ARAP1: variants seen among roughly 807,000 people sequenced by gnomAD.
ARAP1 encodes arf-GAP with Rho-GAP domain, ANK repeat and PH domain-containing protein 1.
A neutral mutation model predicts 172.2 loss-of-function variants in ARAP1; 76 were observed. That is an observed-to-expected ratio of 0.44 (90% CI 0.37 to 0.53). ARAP1 has a LOEUF of 0.53. Among genes scored for constraint, ARAP1 ranks in the 20% least tolerant of loss-of-function variants. ARAP1 has a pLI of 0.00. For missense variants in ARAP1, 1,686 were observed against 1,977.5 expected (o/e 0.85, Z 2.80); for synonymous variants, 804 against 803.3 (o/e 1.00, Z -0.01).
chr11:72,710,568 C>T lies in ARAP1; in HGVS notation c.1233G>A (p.Met411Ile), dbSNP rs1056405500. 1.2e-6 allele frequency: 2 copies of T among 1,608,944 alleles called. No homozygotes were observed. Among genetic ancestry groups the T allele is most frequent in the African/African-American group, 1.3e-5 (1 of 74,898 alleles). Residue 411 changes from methionine (M) to isoleucine (I), a missense_variant, in exon 10 of 35, where the codon ATG becomes ATA. Around this residue, in one of 5 missense-constraint regions of ARAP1, gnomAD observed 688 missense variants for 856.9 expected, o/e 0.80. Coordinates refer to ENST00000393609, the MANE Select transcript of ARAP1 (RefSeq NM_001040118.3). The surrounding 1 kb of genome is among the most constrained non-coding windows in gnomAD (Gnocchi z 4.3). ...CAGCCATGGCCTGCTGCAGGGCCTG[C>T]ATCCACTCCTTCCGCTCCACTGCAG... ...AESDVERKEWMQALQQAMAEQ... is the reference protein window; with the variant it reads ...AESDVERKEWIQALQQAMAEQ...
Position 72,744,640 on chromosome 11 carries a change from G to A in ARAP1, c.-128+7688C>T, listed in dbSNP as rs184443083. On this transcript the variant is annotated intron_variant, in intron 1 of 34. Coordinates refer to ENST00000393609, the MANE Select transcript of ARAP1 (RefSeq NM_001040118.3). ...GACCATGACTCAGACCTTGGCCCCC[G>A]AGCCTGAGCTCAGATATCTCCAGCA... Among the ~76,000 whole-genome samples, 316 of 152,288 alleles carry A rather than the reference G, an allele frequency of 2.1e-3. 1 individual carries two copies. Among genetic ancestry groups the A allele is most frequent in the Non-Finnish European group, 1.6e-3 (106 of 68,028 alleles).
chr11:72,748,089 A>G (rs1303523288), intron 1 of ARAP1, among the ~76,000 whole-genome samples: 1 of 152,238 alleles, frequency 6.6e-6, no homozygotes, highest in Non-Finnish European at 1.5e-5. Context: ...CTCATGTGGA[A>G]AATGGGAATG....
chr11:72,709,893 G>C lies in ARAP1; in HGVS notation c.1500C>G (p.Leu500=). The C allele has an allele frequency of 6.2e-7, 1 of 1,614,186 alleles. No homozygotes were observed. Among genetic ancestry groups the C allele is most frequent in the Non-Finnish European group, 8.5e-7 (1 of 1,180,012 alleles). Residue 500 remains leucine (L), a synonymous_variant, in exon 11 of 35, where the codon CTC becomes CTG. Transcript: ENST00000393609. ...VKEVDRRSFD[L]TTPYRIFSFS... ...ACCTGAAGATGCGGTAGGGCGTGGT[G>C]AGGTCGAAGCTGCGCCGGTCCACTT... is the stretch of plus-strand genomic sequence containing the variant.
Position 72,709,716 on chromosome 11 carries a change from T to C in ARAP1, c.1523+154A>G. 9.2e-6 allele frequency: 7 copies of C among 757,096 alleles called. 1 individual carries two copies. In the South Asian group the frequency reaches 9.6e-5, roughly 10 times the overall value. The allele number at this position is 757,096 out of a possible 1,614,324, so 46.9% of individuals were successfully genotyped here. A position where few individuals can be genotyped will look rare whatever the true frequency, so the allele number is the denominator to read the frequency against. ...AGGAGGGAAGGAGATCAGAGAGGGT[T>C]AGCAAGTGACGGGAGAGGGGCTCCA... On this transcript the variant is annotated intron_variant, in intron 11 of 34. Transcript: ENST00000393609.
intron 13 of ARAP1, 97 bp downstream of exon 13, chr11:72,705,708 T>A: frequency 7.6e-7 from 1 of 1,313,214 alleles, no homozygotes; most frequent in Non-Finnish European, 1.1e-6. Flanking sequence ...AGCTCCAAGG[T>A]GCTGTGGTCA....
At chr11:72,750,152 G>C (rs1458037956) in intron 1 of ARAP1, among the ~76,000 whole-genome samples, 1 of 152,234 alleles carries the variant, frequency 6.6e-6, no homozygotes, top group Non-Finnish European at 1.5e-5. Context: ...ACCCTTGGGA[G>C]CCTGAAGCGG....
At chr11:72,739,966 C>T (rs934330127) in intron 1 of ARAP1, among the ~76,000 whole-genome samples, 7 of 152,236 alleles carry the variant, frequency 4.6e-5, no homozygotes, top group African/African-American at 1.7e-4. Flanking sequence ...GCATGGCACA[C>T]TCCCATCATA....
intron 3 of ARAP1, among the ~76,000 whole-genome samples, chr11:72,719,446 C>A (rs1319219740): frequency 6.6e-6 from 1 of 152,202 alleles, no homozygotes; most frequent in East Asian, 1.9e-4. Context: ...TTGAACTCAG[C>A]TCAACTCATT....
In ARAP1 at chr11:72,725,624, C is replaced by T. The variant is rs1017681165; in HGVS notation, c.509+996G>A. Among the ~76,000 whole-genome samples the T allele has an allele frequency of 1.3e-5, 2 of 152,004 alleles. No individual in the cohort carries two copies. The highest frequency in any genetic ancestry group is 2.9e-5 in the Non-Finnish European group (2 of 67,988). ...ATCTCCCAGACCCTCCCCACAAGGC[C>T]CCCTGAGTATGTCCTTGGCATGGAT... is the stretch of plus-strand genomic sequence containing the variant. On this transcript the variant is annotated intron_variant, in intron 3 of 34. Coordinates refer to ENST00000393609, the MANE Select transcript of ARAP1 (RefSeq NM_001040118.3). The surrounding 1 kb of genome is among the most constrained non-coding windows in gnomAD (Gnocchi z 4.3).
chr11:72,740,655 C>A (rs1195814565), intron 1 of ARAP1, among the ~76,000 whole-genome samples: 1 of 152,130 alleles, frequency 6.6e-6, no homozygotes, highest in Non-Finnish European at 1.5e-5. Context: ...GACTGACACT[C>A]AAAGCCCCCT....
chr11:72,685,797 A>C, intron 34 of ARAP1, 116 bp from the exon 35 acceptor site: 1 of 1,459,940 alleles, frequency 6.8e-7, no homozygotes, highest in Non-Finnish European at 9.6e-7. Context: ...GGAGCACTCC[A>C]ATCAGCCAGG....
At chr11:72,736,181 A>G (rs1460738902) in intron 1 of ARAP1, among the ~76,000 whole-genome samples, 3 of 151,056 alleles carry the variant, frequency 2.0e-5, no homozygotes, top group Non-Finnish European at 4.4e-5. Flanking sequence ...TAAATATTAT[A>G]TACCTTGAAT....
At chr11:72,713,323 G>T in intron 4 of ARAP1, 80 bp from the exon 5 acceptor site, 1 of 1,356,474 alleles carries the variant, frequency 7.4e-7, no homozygotes, top group Non-Finnish European at 1.0e-6. Flanking sequence ...GCTTCACAAA[G>T]CCTCCCCCAT....
chr11:72,694,608 C>G (rs1565210812), intron 27 of ARAP1, among the ~76,000 whole-genome samples: 1 of 152,154 alleles, frequency 6.6e-6, no homozygotes, highest in African/African-American at 2.4e-5. Flanking sequence ...ACCAGACTAA[C>G]CCCCACGAGG....
At chr11:72,730,614 C>A (rs558138181) in intron 2 of ARAP1, among the ~76,000 whole-genome samples, 3 of 152,314 alleles carry the variant, frequency 2.0e-5, no homozygotes, top group Admixed American at 6.5e-5. Context: ...GCAGGAGAAT[C>A]GCTTGAACCC....
chr11:72,688,530 C>T lies in ARAP1; in HGVS notation c.3995G>A (p.Arg1332Gln), dbSNP rs747431284. 5.6e-6 allele frequency: 9 copies of T among 1,611,782 alleles called. No homozygotes were observed. The highest frequency in any genetic ancestry group is 1.7e-4 in the Middle Eastern group (1 of 6,060). Residue 1332 changes from arginine (R) to glutamine (Q), a missense_variant, in exon 31 of 35, where the codon CGG (arginine) becomes CAG (glutamine). By Grantham distance (43) the Arg-to-Gln change is conservative. Around this residue, in one of 5 missense-constraint regions of ARAP1, gnomAD observed 379 missense variants for 500.1 expected, o/e 0.76. Coordinates refer to ENST00000393609, the MANE Select transcript of ARAP1 (RefSeq NM_001040118.3). The part of the protein sequence containing the change: ...PWSGAPETSH[R>Q]PEKEWPIKSL... ...CTTAATAGGCCACTCCTTCTCAGGC[C>T]GGTGACTCTGAGGTAGGGCAAGGAG...
At chr11:72,728,651 C>T (rs1438166267) in intron 2 of ARAP1, among the ~76,000 whole-genome samples, 1 of 152,076 alleles carries the variant, frequency 6.6e-6, no homozygotes, top group Non-Finnish European at 1.5e-5. Context: ...CATTTATAAG[C>T]AACAAACAGG....
rs1856973660 is a variant in ARAP1, at chr11:72,710,656, G to T, written c.1214-69C>A. On this transcript the variant is annotated intron_variant, in intron 9 of 34. Transcript: ENST00000393609. This position sits in a 1 kb window ranked among gnomAD's most constrained non-coding sequence, Gnocchi z 4.3. Reference sequence around the variant, plus strand: ...CCCCTCAGGGGTCTCCTGGCCCTAGGCTCCTCATGCAACACCTCCTCCAGA... The same window carrying T: ...CCCCTCAGGGGTCTCCTGGCCCTAGTCTCCTCATGCAACACCTCCTCCAGA... 6.9e-7 allele frequency: 1 copy of T among 1,456,140 alleles called. No homozygotes were observed. Among genetic ancestry groups the T allele is most frequent in the Non-Finnish European group, 9.2e-7 (1 of 1,091,460 alleles). 90.2% of individuals were successfully genotyped at this position (1,456,140 alleles called of 1,614,324 possible).
intron 1 of ARAP1, among the ~76,000 whole-genome samples, chr11:72,738,253 G>T (rs369452316): frequency 6.6e-6 from 1 of 152,198 alleles, no homozygotes; most frequent in Non-Finnish European, 1.5e-5. Flanking sequence ...AGAGAGAAAG[G>T]CTCAATGGCT....
Sources: gnomAD v4.1 joint callset for allele counts (sites outside exome capture counted in the v4.1 genomes callset) on GRCh38, gnomAD v4.1.1 for gene constraint, gnomAD v4.1.1 regional missense constraint, Gnocchi (gnomAD v3.1) non-coding constraint, MANE v1.5 for transcripts, NCBI Gene and HGNC (gene_info 2026-07-23, HGNC 2026-07-21) for gene names.